Variants in ARL5B observed in about 807,000 individuals in gnomAD.
The protein encoded by ARL5B is ADP-ribosylation factor-like protein 5B.
Under a neutral mutation model 26.9 loss-of-function variants are expected in ARL5B, and 10 were observed. That is an observed-to-expected ratio of 0.37 (90% confidence interval 0.23 to 0.63). The LOEUF is 0.63. ARL5B is among the 30% of genes least tolerant of loss of function. ARL5B has a pLI of 0.62. For missense variants in ARL5B, 167 were observed against 213.9 expected, an observed-to-expected ratio of 0.78 and a Z score of 1.37; for synonymous variants, 87 against 70.4, an observed-to-expected ratio of 1.24 and a Z score of -1.18.
At position 18,669,605 on chromosome 10, in the gene ARL5B, T is replaced by G. The variant is rs973679004; in HGVS notation, c.255+928T>G. ...CAATGTAGTTTAGAGAGATTTATCC[T>G]TGATAGTATGATTTCACAATTGCAT... On this transcript the variant is annotated intron_variant, in intron 3 of 5. Transcript: ENST00000377275. 4.6e-5 allele frequency among the ~76,000 whole-genome samples: 7 copies of G among 152,196 alleles called. No homozygotes were observed. The East Asian group carries it at 1.2e-3, about 25-fold the overall frequency.
rs546240282 is a variant in ARL5B, at chr10:18,659,451, CT to C, written c.-186del. 289 of 703,756 alleles carry C rather than the reference CT, an allele frequency of 4.1e-4. 1 individual carries two copies. In the African/African-American group the frequency reaches 4.7e-3, roughly 11 times the overall value. The allele number at this position is 703,756 out of a possible 1,614,324, so 43.6% of individuals were successfully genotyped here. ...GGCTCAGTGGGCTCGAAACAAAGGG[CT>C]GTCCGGTGGGGATTCGTCGCGGCGC... is the stretch of plus-strand genomic sequence containing the variant. On this transcript the variant is annotated 5_prime_UTR_variant, in exon 1 of 6. Coordinates refer to ENST00000377275, the MANE Select transcript of ARL5B (RefSeq NM_178815.5).
At chr10:18,670,456 C>A (rs1054864732) in intron 3 of ARL5B, among the ~76,000 whole-genome samples, 5 of 151,980 alleles carry the variant, frequency 3.3e-5, no homozygotes, top group African/African-American at 1.2e-4. Flanking sequence ...ACTAAAAATA[C>A]AAAAATTAGC....
chr10:18,675,894 T>G lies in ARL5B; in HGVS notation c.*678T>G, dbSNP rs939601025. 2.6e-5 allele frequency: 4 copies of G among 152,070 alleles called. No individual in the cohort carries two copies. The highest frequency in any genetic ancestry group is 7.2e-5 in the African/African-American group (3 of 41,444). The allele number at this position is 152,070 out of a possible 1,614,324, so 9.4% of individuals were successfully genotyped here. A position where few individuals can be genotyped will look rare whatever the true frequency, so the allele number is the denominator to read the frequency against. On this transcript the variant is annotated 3_prime_UTR_variant, in exon 6 of 6. Transcript: ENST00000377275. ...AAGTCCACTCTTCTGCCTGCAACAT[T>G]TGTTCAAAAACTAACCAAGGTAAAA... is the stretch of plus-strand genomic sequence containing the variant.
At position 18,664,429 on chromosome 10, in the gene ARL5B, CTTTTTTTT is replaced by C. The variant is rs140830487; in HGVS notation, c.47-2127_47-2120del. 1.2e-3 allele frequency among the ~76,000 whole-genome samples: 83 copies of C among 67,248 alleles called. 1 individual carries two copies. The highest frequency in any genetic ancestry group is 4.4e-3 in the African/African-American group (77 of 17,426). 44.1% of individuals were successfully genotyped at this position (67,248 alleles called of 152,430 possible). ...CTGTAACTGATAGTAACAGTAGTGT[CTTTTTTTT>C]TTTTTTTTTTTTTTTTTTGAGATGG... On this transcript the variant is annotated intron_variant, in intron 1 of 5. Transcript: ENST00000377275.
At chr10:18,662,691 TTTTGTTG>T (rs1260148452) in intron 1 of ARL5B, among the ~76,000 whole-genome samples, 10 of 151,918 alleles carry the variant, frequency 6.6e-5, no homozygotes, top group African/African-American at 2.2e-4. Flanking sequence ...TTATTTCTTT[TTTTGTTG>T]TTTGTTTGTT....
chr10:18,661,745 T>C (rs1013078799), intron 1 of ARL5B, among the ~76,000 whole-genome samples: 1 of 152,146 alleles, frequency 6.6e-6, no homozygotes, highest in South Asian at 2.1e-4. Flanking sequence ...CGTAATGTAA[T>C]GATGAGTAGG....
intron 1 of ARL5B, among the ~76,000 whole-genome samples, chr10:18,663,295 C>A (rs530291005): frequency 6.6e-6 from 1 of 152,274 alleles, no homozygotes; most frequent in East Asian, 1.9e-4. Flanking sequence ...AGCCACTGCA[C>A]CTGGCCAGTT....
Position 18,666,755 on chromosome 10 carries a change from GTTTT to G in ARL5B, c.107+124_107+127del. ...CTTAAATATATGTTTTTTGTTTTTT[GTTTT>G]TTTAATTTTACCGAACACAATCTAT... is the stretch of plus-strand genomic sequence containing the variant. On this transcript the variant is annotated intron_variant, in intron 2 of 5. Coordinates refer to ENST00000377275, the MANE Select transcript of ARL5B (RefSeq NM_178815.5). 3 of 831,166 alleles carry G rather than the reference GTTTT, an allele frequency of 3.6e-6. No homozygotes were observed. The South Asian group carries it at 8.5e-5, about 24-fold the overall frequency. The allele number at this position is 831,166 out of a possible 1,614,324, so 51.5% of individuals were successfully genotyped here. A position where few individuals can be genotyped will look rare whatever the true frequency, so the allele number is the denominator to read the frequency against.
chr10:18,675,053 G>T, intron 5 of ARL5B, 115 bp from the exon 6 acceptor site: 1 of 791,848 alleles, frequency 1.3e-6, no homozygotes, highest in Non-Finnish European at 2.0e-6. Flanking sequence ...TGACACTGAT[G>T]TATATAAATA....
At position 18,660,217 on chromosome 10, in the gene ARL5B, T is replaced by C. The variant is rs141841348; in HGVS notation, c.46+534T>C. 5.2e-3 allele frequency among the ~76,000 whole-genome samples: 794 copies of C among 152,216 alleles called. 10 individuals are homozygous for C. Among genetic ancestry groups the C allele is most frequent in the African/African-American group, 0.018 (744 of 41,488 alleles). On this transcript the variant is annotated intron_variant, in intron 1 of 5. Coordinates refer to ENST00000377275, the MANE Select transcript of ARL5B (RefSeq NM_178815.5). ...CACGAGTTTTCCAGCATCTTCATTG[T>C]AAACTTTTTTTTTTAAAGCATTTAG...
rs1306837638 is a variant in ARL5B at position 18,680,165 on chromosome 10, A to G, written c.*4949A>G. Reference sequence around the variant, plus strand: ...AATTAAAAAATTACCTCATTTTTCAATCCATAAGGTGCTTTGCTCAAGTTT... The same window carrying G: ...AATTAAAAAATTACCTCATTTTTCAGTCCATAAGGTGCTTTGCTCAAGTTT... On this transcript the variant is annotated 3_prime_UTR_variant, in exon 6 of 6. Coordinates refer to ENST00000377275, the MANE Select transcript of ARL5B (RefSeq NM_178815.5). 1.3e-5 allele frequency: 2 copies of G among 152,030 alleles called. No individual in the cohort carries two copies. Among genetic ancestry groups the G allele is most frequent in the South Asian group, 2.1e-4 (1 of 4,832 alleles). 9.4% of individuals were successfully genotyped at this position (152,030 alleles called of 1,614,324 possible).
Position 18,681,376 on chromosome 10 carries a change from T to A in ARL5B, c.*6160T>A, listed in dbSNP as rs1333835637. 3 of 152,240 alleles carry A rather than the reference T, an allele frequency of 2.0e-5. No homozygotes were observed. The highest frequency in any genetic ancestry group is 2.9e-5 in the Non-Finnish European group (2 of 68,046). The allele number at this position is 152,240 out of a possible 1,614,324, so 9.4% of individuals were successfully genotyped here. ...TTTAAATGACATGTTTTAAAGTTTTTAATACTTTATTAGTTATGAAGTGCT... is the reference window on the plus strand; with the variant it reads ...TTTAAATGACATGTTTTAAAGTTTTAAATACTTTATTAGTTATGAAGTGCT... On this transcript the variant is annotated 3_prime_UTR_variant, in exon 6 of 6. Transcript: ENST00000377275.
rs1459397983 is a variant in ARL5B, at chr10:18,676,434, T to A, written c.*1218T>A. 6.6e-6 allele frequency: 1 copy of A among 152,030 alleles called. No individual in the cohort carries two copies. Among genetic ancestry groups the A allele is most frequent in the Non-Finnish European group, 1.5e-5 (1 of 67,902 alleles). The allele number at this position is 152,030 out of a possible 1,614,324, so 9.4% of individuals were successfully genotyped here. A position where few individuals can be genotyped will look rare whatever the true frequency, so the allele number is the denominator to read the frequency against. On this transcript the variant is annotated 3_prime_UTR_variant, in exon 6 of 6. Coordinates refer to ENST00000377275, the MANE Select transcript of ARL5B (RefSeq NM_178815.5). ...AACAACTTAAAATTAAAAAAAGTCA[T>A]AATCTATCAAAAGTTTATTTATTGG...
rs933533509 is a variant in ARL5B at position 18,675,789 on chromosome 10, T to C, written c.*573T>C. The C allele has an allele frequency of 6.6e-6, 1 of 152,142 alleles. No individual in the cohort carries two copies. Among genetic ancestry groups the C allele is most frequent in the Non-Finnish European group, 1.5e-5 (1 of 67,976 alleles). 9.4% of individuals were successfully genotyped at this position (152,142 alleles called of 1,614,324 possible). The stretch of plus-strand genomic sequence containing the variant: ...ACTTGCCTTTTAACTTTCCCCCACA[T>C]TACTGTTGAGTCATGGAATAATGTT... On this transcript the variant is annotated 3_prime_UTR_variant, in exon 6 of 6. Transcript: ENST00000377275.
intron 3 of ARL5B, among the ~76,000 whole-genome samples, chr10:18,671,420 C>T (rs1341834419): frequency 6.6e-6 from 1 of 152,070 alleles, no homozygotes; most frequent in Non-Finnish European, 1.5e-5. Context: ...ATGCCCACCT[C>T]GGCCTACCAA....
chr10:18,664,799 A>G (rs936411605), intron 1 of ARL5B, among the ~76,000 whole-genome samples: 6 of 152,130 alleles, frequency 3.9e-5, no homozygotes, highest in African/African-American at 1.4e-4. Flanking sequence ...AAAATGGTGC[A>G]TTATTGGTGA....
At chr10:18,669,235 C>T (rs1348479472) in intron 3 of ARL5B, among the ~76,000 whole-genome samples, 1 of 152,088 alleles carries the variant, frequency 6.6e-6, no homozygotes, top group East Asian at 1.9e-4. Flanking sequence ...ACTGTTTGGC[C>T]AGGTTCTCTC....
Position 18,674,006 on chromosome 10 carries a change from T to G in ARL5B, c.362T>G (p.Leu121Arg). 3 of 1,611,058 alleles carry G rather than the reference T, an allele frequency of 1.9e-6. No homozygotes were observed. Among genetic ancestry groups the G allele is most frequent in the Non-Finnish European group, 2.5e-6 (3 of 1,178,784 alleles). The change falls in exon 5 of 6, where the codon CTT (leucine) becomes CGT (arginine). Residue 121 changes from leucine (L) to arginine (R), a missense_variant. Physicochemically the swap from Leu to Arg is moderately radical, Grantham distance 102. Transcript: ENST00000377275. ...AHEDLRKAAV[L>R]IFANKQDMKG... ...CAGGATTTACGGAAGGCTGCAGTCC[T>G]TATCTTTGCAAATAAACAGGATATG...
chr10:18,662,508 T>C (rs2059841496), intron 1 of ARL5B, among the ~76,000 whole-genome samples: 1 of 152,234 alleles, frequency 6.6e-6, no homozygotes, highest in African/African-American at 2.4e-5. Flanking sequence ...TTTGGAATTC[T>C]GATTATCTCT....
Sources: allele counts gnomAD v4.1 joint callset (sites outside exome capture counted in the v4.1 genomes callset), GRCh38; gene constraint gnomAD v4.1.1; transcripts MANE v1.5; gene names NCBI Gene and HGNC (gene_info 2026-07-23, HGNC 2026-07-21).